The following PTPRD variants were observed in gnomAD, a reference collection of about 807,000 sequenced individuals.
PTPRD encodes protein tyrosine phosphatase receptor type D.
PTPRD carries 34 observed loss-of-function variants against 214.5 expected under a neutral mutation model. The observed-to-expected ratio is 0.16, with a 90% CI of 0.12 to 0.21. PTPRD has a LOEUF of 0.21. Ranked by LOEUF, PTPRD falls within the 10% of genes least tolerant of loss-of-function variation. The pLI is 1.00. For synonymous variants in PTPRD, 1,128 were observed against 845.7 expected (o/e 1.33, Z -5.79); for missense variants, 2,545 against 2,398.7 (o/e 1.06, Z -1.27).
chr9:10,050,141 G>A lies in PTPRD; in HGVS notation c.-544-16351C>T, dbSNP rs187766334. Among the ~76,000 whole-genome samples the A allele has an allele frequency of 7.2e-5, 11 of 152,192 alleles. No individual in the cohort carries two copies. The South Asian group carries it at 2.3e-3, about 32-fold the overall frequency. ...GGGAATTAGAGAAGATTGTGGCATG[G>A]GGCCTGAGCAGATCCCCAAGAATGA... is the stretch of plus-strand genomic sequence containing the variant. On this transcript the variant is annotated intron_variant, in intron 3 of 45. Transcript: ENST00000381196.
At chr9:9,740,907 T>A (rs756460186) in intron 6 of PTPRD, among the ~76,000 whole-genome samples, 1 of 152,210 alleles carries the variant, frequency 6.6e-6, no homozygotes, top group East Asian at 1.9e-4. Flanking sequence ...TTCAACAACA[T>A]AGATGGTAGT....
At chr9:8,963,238 A>G (rs2099168132) in intron 11 of PTPRD, among the ~76,000 whole-genome samples, 1 of 152,178 alleles carries the variant, frequency 6.6e-6, no homozygotes, top group Non-Finnish European at 1.5e-5. Context: ...AAGCAAGGAA[A>G]TGATTATCAG....
At chr9:10,546,954 G>A (rs1390416850) in intron 2 of PTPRD, among the ~76,000 whole-genome samples, 2 of 152,076 alleles carry the variant, frequency 1.3e-5, no homozygotes, top group Admixed American at 6.6e-5. Flanking sequence ...ACAGGTAAGA[G>A]TTTTTTAATC....
intron 35 of PTPRD, among the ~76,000 whole-genome samples, chr9:8,421,945 C>G (rs576702804): frequency 1.5e-3 from 222 of 150,940 alleles, no homozygotes; most frequent in African/African-American, 5.2e-3. Context: ...CCCAGTAGTT[C>G]GAGACCAACC....
intron 3 of PTPRD, among the ~76,000 whole-genome samples, chr9:10,089,090 C>A (rs897602478): frequency 1.3e-5 from 2 of 151,388 alleles, no homozygotes; most frequent in African/African-American, 4.8e-5. Context: ...CCATGTAGTC[C>A]CAGCTACTTA....
intron 39 of PTPRD, among the ~76,000 whole-genome samples, chr9:8,358,331 A>T (rs1286152024): frequency 2.6e-5 from 4 of 152,116 alleles, no homozygotes; most frequent in Non-Finnish European, 5.9e-5. Context: ...TTTAAACATA[A>T]TTTAAAGTCC....
At position 9,894,107 on chromosome 9, in the gene PTPRD, C is replaced by T. The variant is rs532294373; in HGVS notation, c.-368+44400G>A. ...GCTGTGGAATTGCCAGCATGAGTCA[C>T]CACTCCCAACCCTTTTATTTTAATA... On this transcript the variant is annotated intron_variant, in intron 5 of 45. Coordinates refer to ENST00000381196, the MANE Select transcript of PTPRD (RefSeq NM_002839.4). Among the ~76,000 whole-genome samples, 48 of 152,084 alleles carry T rather than the reference C, an allele frequency of 3.2e-4. 1 individual carries two copies. Among genetic ancestry groups the T allele is most frequent in the Admixed American group, 3.2e-3 (48 of 15,236 alleles).
intron 4 of PTPRD, among the ~76,000 whole-genome samples, chr9:9,950,135 G>A (rs750713869): frequency 5.9e-5 from 9 of 152,116 alleles, no homozygotes; most frequent in Non-Finnish European, 8.8e-5. Flanking sequence ...CTGTCACTGT[G>A]ACAACGACCT....
At chr9:8,689,130 G>A (rs2097754324) in intron 12 of PTPRD, among the ~76,000 whole-genome samples, 1 of 152,174 alleles carries the variant, frequency 6.6e-6, no homozygotes, top group Non-Finnish European at 1.5e-5. Context: ...AAGTGACTCT[G>A]AGAATCATCC....
chr9:9,971,145 A>T (rs1332630451), intron 4 of PTPRD, among the ~76,000 whole-genome samples: 1 of 152,192 alleles, frequency 6.6e-6, no homozygotes, highest in Non-Finnish European at 1.5e-5. Flanking sequence ...ATATTAAATA[A>T]AAAGGTAAAA....
At chr9:8,747,663 C>T (rs548729879) in intron 11 of PTPRD, among the ~76,000 whole-genome samples, 1 of 152,226 alleles carries the variant, frequency 6.6e-6, no homozygotes, top group Admixed American at 6.5e-5. Flanking sequence ...CTCACGAGGA[C>T]GTAGTTTCCT....
intron 14 of PTPRD, among the ~76,000 whole-genome samples, chr9:8,628,150 C>T (rs151322305): frequency 1.0e-3 from 157 of 151,866 alleles, no homozygotes; most frequent in Non-Finnish European, 1.6e-3. Flanking sequence ...GGATCTCCAG[C>T]CGAGACCACT....
chr9:10,340,790 C>A (rs753666823), intron 3 of PTPRD, among the ~76,000 whole-genome samples, 173 bp downstream of exon 3: 1 of 151,846 alleles, frequency 6.6e-6, no homozygotes, highest in Non-Finnish European at 1.5e-5. Flanking sequence ...AAGTGTATAG[C>A]AAGACTAAAT....
intron 3 of PTPRD, among the ~76,000 whole-genome samples, chr9:10,157,982 C>T (rs1046406744): frequency 2.0e-5 from 3 of 149,046 alleles, no homozygotes; most frequent in African/African-American, 7.4e-5. Context: ...GTTTTTCAAC[C>T]CTATCAAGTT....
At chr9:10,147,698 G>T (rs780617007) in intron 3 of PTPRD, among the ~76,000 whole-genome samples, 88 of 152,022 alleles carry the variant, frequency 5.8e-4, no homozygotes, top group Non-Finnish European at 1.2e-3. Context: ...TGGCCAATAT[G>T]GTAAAACCCC....
chr9:8,340,921 A>G (rs1851873737), intron 41 of PTPRD, among the ~76,000 whole-genome samples, 169 bp downstream of exon 41: 1 of 152,074 alleles, frequency 6.6e-6, no homozygotes, highest in African/African-American at 2.4e-5. Flanking sequence ...CATAACTACT[A>G]CTCCTAACTC....
At chr9:9,928,294 A>G (rs758189282) in intron 5 of PTPRD, among the ~76,000 whole-genome samples, 5 of 152,180 alleles carry the variant, frequency 3.3e-5, no homozygotes, top group Non-Finnish European at 7.4e-5. Context: ...CTTTGCCTTT[A>G]AATTTCATAC....
chr9:8,752,636 A>G (rs1361922424), intron 11 of PTPRD, among the ~76,000 whole-genome samples: 1 of 152,002 alleles, frequency 6.6e-6, no homozygotes, highest in African/African-American at 2.4e-5. Flanking sequence ...CTGTAACACC[A>G]CCACCACACA....
intron 2 of PTPRD, among the ~76,000 whole-genome samples, chr9:10,367,215 G>C (rs1016594757): frequency 6.6e-6 from 1 of 152,082 alleles, no homozygotes; most frequent in Non-Finnish European, 1.5e-5. Flanking sequence ...TAACTTGCAA[G>C]TTAAGAGAGA....
Sources: gnomAD v4.1 joint callset for allele counts (sites outside exome capture counted in the v4.1 genomes callset) on GRCh38, gnomAD v4.1.1 for gene constraint, MANE v1.5 for transcripts, NCBI Gene and HGNC (gene_info 2026-07-23, HGNC 2026-07-21) for gene names.